Variants in MRPS33 observed in about 807,000 individuals in gnomAD.
MRPS33 encodes mitochondrial ribosomal protein S33, also known as small ribosomal subunit protein mS33.
MRPS33 carries 11 observed loss-of-function variants against 11.2 expected under a neutral mutation model. The observed-to-expected ratio is 0.99, with a 90% CI of 0.62 to 1.63. The LOEUF is 1.63. MRPS33 is among the 40% of genes most tolerant of loss of function. MRPS33 has a pLI of 0.00. For synonymous variants in MRPS33, 46 were observed against 44.0 expected (o/e 1.05, Z -0.18); for missense variants, 109 against 127.8 (o/e 0.85, Z 0.71).
In MRPS33 at chr7:141,014,196, A is replaced by G. The variant is rs558124173; in HGVS notation, c.-28+715T>C. On this transcript the variant is annotated intron_variant, in intron 1 of 2. Coordinates refer to ENST00000324787, the MANE Select transcript of MRPS33 (RefSeq NM_053035.3). ...CACGAGGACAGTCATACTATCTGCG[A>G]TGTGAAGCTAATATGCAAAATTCAC... Among the ~76,000 whole-genome samples the G allele has an allele frequency of 3.3e-5, 5 of 152,346 alleles. No individual in the cohort carries two copies. In the South Asian group the frequency reaches 8.3e-4, roughly 25 times the overall value.
chr7:141,013,463 C>T (rs1345695120), intron 1 of MRPS33, among the ~76,000 whole-genome samples: 1 of 152,218 alleles, frequency 6.6e-6, no homozygotes, highest in African/African-American at 2.4e-5. Context: ...ACTTGCTAAA[C>T]AGGAGGAAAC....
At chr7:141,010,779 G>C (rs1451961807) in intron 1 of MRPS33, 119 bp from the exon 2 acceptor site, 5 of 729,542 alleles carry the variant, frequency 6.9e-6, no homozygotes, top group Non-Finnish European at 1.2e-5. Flanking sequence ...AGTGTTGGCA[G>C]GATATGCCTT....
At chr7:141,014,717 TC>T (rs1820758221) in intron 1 of MRPS33, 193 bp downstream of exon 1, 1 of 152,142 alleles carries the variant, frequency 6.6e-6, no homozygotes. Flanking sequence ...ACGCGGGTAT[TC>T]TACGTTTAAG....
At position 141,006,391 on chromosome 7, in the gene MRPS33, G is replaced by A. The variant is rs374867676; in HGVS notation, c.*39C>T. 169 of 1,514,050 alleles carry A rather than the reference G, an allele frequency of 1.1e-4. No homozygotes were observed. The highest frequency in any genetic ancestry group is 4.6e-4 in the Middle Eastern group (2 of 4,308). The allele number at this position is 1,514,050 out of a possible 1,614,324, so 93.8% of individuals were successfully genotyped here. On this transcript the variant is annotated 3_prime_UTR_variant, in exon 3 of 3. Coordinates refer to ENST00000324787, the MANE Select transcript of MRPS33 (RefSeq NM_053035.3). ...ACAATAAATGCACTTTCTTCTCTCC[G>A]CCACTGAGGAAGAAAGTCTCCCTCT...
rs182568332 is a variant in MRPS33, at chr7:141,010,327, C to A, written c.215+92G>T. The A allele has an allele frequency of 1.7e-4, 223 of 1,278,946 alleles. No homozygotes were observed. In the Admixed American group the frequency reaches 2.0e-3, roughly 11 times the overall value. The allele number at this position is 1,278,946 out of a possible 1,614,324, so 79.2% of individuals were successfully genotyped here. ...AACTACCTGGGCTCTATTATAAGAA[C>A]AAAACTACAAGGATAGAAAGGCTAA... On this transcript the variant is annotated intron_variant, in intron 2 of 2. Coordinates refer to ENST00000324787, the MANE Select transcript of MRPS33 (RefSeq NM_053035.3).
Position 141,004,170 on chromosome 7 carries a change from G to A in MRPS33, c.*2260C>T, listed in dbSNP as rs1820469019. 6.6e-6 allele frequency: 1 copy of A among 152,156 alleles called. No homozygotes were observed. The highest frequency in any genetic ancestry group is 2.1e-4 in the South Asian group (1 of 4,820). 9.4% of individuals were successfully genotyped at this position (152,156 alleles called of 1,614,324 possible). A position where few individuals can be genotyped will look rare whatever the true frequency, so the allele number is the denominator to read the frequency against. On this transcript the variant is annotated 3_prime_UTR_variant, in exon 3 of 3. Coordinates refer to ENST00000324787, the MANE Select transcript of MRPS33 (RefSeq NM_053035.3). ...AAAATATTAGCCGGGCGTGGTGGTG[G>A]GCGCCTGTAGTCCCAGCTACTTGGG... is the stretch of plus-strand genomic sequence containing the variant.
rs1820440492 is a variant in MRPS33 at position 141,002,925 on chromosome 7, A to G, written c.*3505T>C. 6.6e-6 allele frequency: 1 copy of G among 152,314 alleles called. No homozygotes were observed. The highest frequency in any genetic ancestry group is 2.4e-5 in the African/African-American group (1 of 41,464). The allele number at this position is 152,314 out of a possible 1,614,324, so 9.4% of individuals were successfully genotyped here. A position where few individuals can be genotyped will look rare whatever the true frequency, so the allele number is the denominator to read the frequency against. On this transcript the variant is annotated 3_prime_UTR_variant, in exon 3 of 3. Coordinates refer to ENST00000324787, the MANE Select transcript of MRPS33 (RefSeq NM_053035.3). ...GTACTTACTAGTCACATAATGTGCT[A>G]TATGTAAAAGTTTTTAACTTTTTAT... is the stretch of plus-strand genomic sequence containing the variant.
rs1481684982 is a variant in MRPS33, at chr7:141,003,147, T to C, written c.*3283A>G. The C allele has an allele frequency of 1.3e-5, 2 of 152,178 alleles. No homozygotes were observed. The highest frequency in any genetic ancestry group is 2.4e-5 in the African/African-American group (1 of 41,428). The allele number at this position is 152,178 out of a possible 1,614,324, so 9.4% of individuals were successfully genotyped here. On this transcript the variant is annotated 3_prime_UTR_variant, in exon 3 of 3. Coordinates refer to ENST00000324787, the MANE Select transcript of MRPS33 (RefSeq NM_053035.3). ...TATGCTGAAATCGAGGGCAAAATGG[T>C]CTATGCACACTGATCCCCACAGGTT...
In MRPS33 at chr7:141,007,323, AT is replaced by A. The variant is rs1188128265; in HGVS notation, c.216-789del. Among the ~76,000 whole-genome samples the A allele has an allele frequency of 2.1e-4, 32 of 152,128 alleles. 1 individual carries two copies. The highest frequency in any genetic ancestry group is 1.5e-5 in the Non-Finnish European group (1 of 68,024). ...ACCTTAGTTTCCTAACCTGTAAAGT[AT>A]GGATAATAACAGTGTATGAATCAAA... On this transcript the variant is annotated intron_variant, in intron 2 of 2. Coordinates refer to ENST00000324787, the MANE Select transcript of MRPS33 (RefSeq NM_053035.3).
chr7:141,010,376 GAA>G (rs748733699), intron 2 of MRPS33, 41 bp downstream of exon 2: 17 of 1,588,174 alleles, frequency 1.1e-5, no homozygotes, highest in African/African-American at 8.2e-5. Flanking sequence ...CTGATCTACT[GAA>G]AAAAAGTCTC....
At chr7:141,010,282 C>T (rs991195701) in intron 2 of MRPS33, 137 bp downstream of exon 2, 2 of 756,854 alleles carry the variant, frequency 2.6e-6, no homozygotes, top group Admixed American at 2.9e-5. Context: ...AAGACTTTCT[C>T]CTGCCAACTG....
chr7:141,009,308 T>A (rs906822143), intron 2 of MRPS33, among the ~76,000 whole-genome samples: 2 of 151,726 alleles, frequency 1.3e-5, no homozygotes, highest in Admixed American at 1.3e-4. Flanking sequence ...ATTTTTGTAT[T>A]TTTAGTAGAG....
rs796942087 is a variant in MRPS33, at chr7:141,007,806, G to A, written c.216-1271C>T. 2.6e-4 allele frequency among the ~76,000 whole-genome samples: 40 copies of A among 152,224 alleles called. 1 individual carries two copies. Among genetic ancestry groups the A allele is most frequent in the African/African-American group, 9.4e-4 (39 of 41,538 alleles). On this transcript the variant is annotated intron_variant, in intron 2 of 2. Transcript: ENST00000324787. ...CTGTCCTGTTTCATCCTGTAATCTA[G>A]CCTCTCCCCACCTACTGCAGGCCCC...
In MRPS33 at chr7:141,008,897, C is replaced by T. The variant is rs1414425970; in HGVS notation, c.215+1522G>A. The stretch of plus-strand genomic sequence containing the variant: ...GTAACCTCTTCCTCCTGAGTTCAAG[C>T]GATTCTCCTGCCTCAGCCTCCCAAG... On this transcript the variant is annotated intron_variant, in intron 2 of 2. Coordinates refer to ENST00000324787, the MANE Select transcript of MRPS33 (RefSeq NM_053035.3). 7.3e-5 allele frequency among the ~76,000 whole-genome samples: 11 copies of T among 151,368 alleles called. No individual in the cohort carries two copies. The East Asian group carries it at 1.2e-3, about 16-fold the overall frequency.
At chr7:141,010,968 G>C (rs1469268516) in intron 1 of MRPS33, among the ~76,000 whole-genome samples, 1 of 152,156 alleles carries the variant, frequency 6.6e-6, no homozygotes, top group Non-Finnish European at 1.5e-5. Context: ...TTGTAGGCTG[G>C]GGATGAAGAA....
intron 2 of MRPS33, among the ~76,000 whole-genome samples, chr7:141,007,752 C>G (rs1397178829): frequency 1.3e-5 from 2 of 152,156 alleles, no homozygotes; most frequent in African/African-American, 4.8e-5. Flanking sequence ...TCTGCTTAAA[C>G]CTCAACTCCT....
In MRPS33 at chr7:141,008,296, A is replaced by G. The variant is rs573843350; in HGVS notation, c.216-1761T>C. 5.3e-5 allele frequency among the ~76,000 whole-genome samples: 8 copies of G among 152,348 alleles called. No homozygotes were observed. In the East Asian group the frequency reaches 1.5e-3, roughly 29 times the overall value. ...AGCAGCAGCAAAAAGATCAATTAAA[A>G]TAACTGAATGTGATTTTTTCATGGG... is the stretch of plus-strand genomic sequence containing the variant. On this transcript the variant is annotated intron_variant, in intron 2 of 2. Transcript: ENST00000324787.
chr7:141,004,644 G>C lies in MRPS33; in HGVS notation c.*1786C>G, dbSNP rs1820480092. 6.6e-6 allele frequency: 1 copy of C among 152,042 alleles called. No individual in the cohort carries two copies. Among genetic ancestry groups the C allele is most frequent in the Non-Finnish European group, 1.5e-5 (1 of 68,020 alleles). 9.4% of individuals were successfully genotyped at this position (152,042 alleles called of 1,614,324 possible). On this transcript the variant is annotated 3_prime_UTR_variant, in exon 3 of 3. Coordinates refer to ENST00000324787, the MANE Select transcript of MRPS33 (RefSeq NM_053035.3). Reference sequence around the variant, plus strand: ...TGACACTATTGTACACTTAAATATGGTTAAGATCATTAATTTTATGTTTTT... The same window carrying C: ...TGACACTATTGTACACTTAAATATGCTTAAGATCATTAATTTTATGTTTTT...
chr7:141,012,148 T>G (rs956146346), intron 1 of MRPS33, among the ~76,000 whole-genome samples: 6 of 116,702 alleles, frequency 5.1e-5, no homozygotes, highest in African/African-American at 2.0e-4. Context: ...CTCTATAGCC[T>G]GAGTGACAGA....
Sources: allele counts gnomAD v4.1 joint callset (sites outside exome capture counted in the v4.1 genomes callset), GRCh38; gene constraint gnomAD v4.1.1; transcripts MANE v1.5; gene names NCBI Gene and HGNC (gene_info 2026-07-23, HGNC 2026-07-21).